The following CACNA2D3 variants were observed in gnomAD, a reference collection of about 807,000 sequenced individuals.
CACNA2D3 encodes the protein voltage-dependent calcium channel subunit alpha-2/delta-3.
In CACNA2D3, 60 loss-of-function variants were observed where a neutral mutation model predicts 160.6. The observed-to-expected ratio is 0.37, with a 90% confidence interval of 0.30 to 0.46. The LOEUF (loss-of-function observed/expected upper bound fraction) is 0.46. Ranked by LOEUF, CACNA2D3 falls within the 20% of genes least tolerant of loss-of-function variation. The probability of loss-of-function intolerance (pLI) is 1.00; values close to 1 mark genes in which losing one functional copy is unlikely to be tolerated. For synonymous variants in CACNA2D3, 558 were observed against 492.9 expected (o/e 1.13, Z -1.75); for missense variants, 1,205 against 1,365.0 (o/e 0.88, Z 1.85).
intron 27 of CACNA2D3, among the ~76,000 whole-genome samples, chr3:54,932,777 C>T (rs760090962): frequency 2.0e-5 from 3 of 152,224 alleles, no homozygotes; most frequent in Admixed American, 1.3e-4. Context: ...TCAACAGGCT[C>T]CTCATCCAAA....
chr3:55,057,066 G>T (rs1704379223), intron 35 of CACNA2D3, among the ~76,000 whole-genome samples: 1 of 152,100 alleles, frequency 6.6e-6, no homozygotes, highest in Non-Finnish European at 1.5e-5. Flanking sequence ...ATGTGTCATG[G>T]GAGGGACCCG....
At chr3:54,291,829 C>G (rs1703213546) in intron 2 of CACNA2D3, among the ~76,000 whole-genome samples, 1 of 152,170 alleles carries the variant, frequency 6.6e-6, no homozygotes, top group South Asian at 2.1e-4. Flanking sequence ...TTGATTCACT[C>G]ATTCATTCAA....
intron 27 of CACNA2D3, among the ~76,000 whole-genome samples, chr3:54,941,681 AT>A (rs1182666313): frequency 6.6e-6 from 1 of 152,222 alleles, no homozygotes; most frequent in African/African-American, 2.4e-5. Flanking sequence ...TTTAAGTTTT[AT>A]TAAAGTAATA....
intron 2 of CACNA2D3, among the ~76,000 whole-genome samples, chr3:54,223,799 C>A (rs1701618835): frequency 6.7e-6 from 1 of 149,438 alleles, no homozygotes; most frequent in African/African-American, 2.5e-5. Flanking sequence ...TTGCAGTGAG[C>A]CGAGATCGCA....
At chr3:54,551,271 C>G (rs1366795687) in intron 5 of CACNA2D3, among the ~76,000 whole-genome samples, 2 of 152,346 alleles carry the variant, frequency 1.3e-5, no homozygotes, top group Admixed American at 1.3e-4. Flanking sequence ...GTGCACTCCA[C>G]TAGGTCAAAG....
At position 54,166,686 on chromosome 3, in the gene CACNA2D3, T is replaced by A. The variant is rs1418987158; in HGVS notation, c.204+43092T>A. Among the ~76,000 whole-genome samples the A allele has an allele frequency of 2.6e-5, 4 of 152,302 alleles. No individual in the cohort carries two copies. The East Asian group carries it at 7.7e-4, about 29-fold the overall frequency. ...TGCTATTGCCTGTGTGGTGCTTCAT[T>A]TATAGGAGATGAATTTTGAAAAGTT... is the stretch of plus-strand genomic sequence containing the variant. On this transcript the variant is annotated intron_variant, in intron 2 of 37. Coordinates refer to ENST00000474759, the MANE Select transcript of CACNA2D3 (RefSeq NM_018398.3).
At chr3:54,880,762 G>T (rs754587150) in intron 20 of CACNA2D3, 34 bp from the exon 21 acceptor site, 1 of 1,576,480 alleles carries the variant, frequency 6.3e-7, no homozygotes, top group Non-Finnish European at 8.7e-7. Context: ...GTCGATGCCA[G>T]GGATTTCAAG....
intron 12 of CACNA2D3, among the ~76,000 whole-genome samples, chr3:54,756,872 A>C (rs972191856): frequency 6.6e-6 from 1 of 152,020 alleles, no homozygotes; most frequent in Non-Finnish European, 1.5e-5. Context: ...CTACCAGCAA[A>C]ATCCAGGGAG....
intron 5 of CACNA2D3, among the ~76,000 whole-genome samples, chr3:54,535,357 A>G (rs1318407392): frequency 5.3e-5 from 8 of 152,238 alleles, no homozygotes; most frequent in African/African-American, 1.9e-4. Flanking sequence ...TCTAAGAAAT[A>G]TTTAAATGAA....
chr3:54,454,707 A>G (rs964750061), intron 4 of CACNA2D3, among the ~76,000 whole-genome samples: 1 of 152,120 alleles, frequency 6.6e-6, no homozygotes, highest in East Asian at 1.9e-4. Flanking sequence ...TTCCTACTAT[A>G]TGGTTGTATG....
At chr3:54,568,660 C>T (rs1195438219) in intron 6 of CACNA2D3, among the ~76,000 whole-genome samples, 2 of 152,172 alleles carry the variant, frequency 1.3e-5, no homozygotes, top group Non-Finnish European at 2.9e-5. Context: ...TGTATTTTAT[C>T]TTTATTACCT....
At chr3:54,257,328 A>G (rs554490017) in intron 2 of CACNA2D3, among the ~76,000 whole-genome samples, 21 of 152,348 alleles carry the variant, frequency 1.4e-4, no homozygotes, top group Non-Finnish European at 2.2e-4. Context: ...TCAACTTACT[A>G]TTGAGGCCAG....
chr3:54,842,350 T>G (rs1395189876), intron 16 of CACNA2D3, among the ~76,000 whole-genome samples: 3 of 152,192 alleles, frequency 2.0e-5, no homozygotes, highest in African/African-American at 4.8e-5. Flanking sequence ...TTCAGCTTGT[T>G]TTTAATATTT....
chr3:54,268,916 GAGAATCTTCTGGAAGTATGTGGCTTC>G (rs1294068768), intron 2 of CACNA2D3, among the ~76,000 whole-genome samples: 1 of 152,216 alleles, frequency 6.6e-6, no homozygotes, highest in Non-Finnish European at 1.5e-5. Context: ...TTAGTGGCAT[GAGAATCTTCTGGAAGTATGTGGCTTC>G]AGAAGGGAAA....
At chr3:54,805,573 CAA>C (rs1250217440) in intron 13 of CACNA2D3, among the ~76,000 whole-genome samples, 1 of 152,052 alleles carries the variant, frequency 6.6e-6, no homozygotes, top group Non-Finnish European at 1.5e-5. Flanking sequence ...GCTTACCAAC[CAA>C]AAAGAGTCCA....
chr3:54,928,537 C>T (rs957635989), intron 27 of CACNA2D3, among the ~76,000 whole-genome samples: 12 of 152,242 alleles, frequency 7.9e-5, no homozygotes, highest in Non-Finnish European at 1.0e-4. Flanking sequence ...CTTTGGTCAT[C>T]GAAGTCTTAT....
At chr3:54,554,440 A>G (rs1226163774) in intron 5 of CACNA2D3, among the ~76,000 whole-genome samples, 2 of 152,200 alleles carry the variant, frequency 1.3e-5, no homozygotes. Context: ...CTGATAATTT[A>G]AGGAAGAGAG....
chr3:54,248,125 T>C (rs946891629), intron 2 of CACNA2D3, among the ~76,000 whole-genome samples: 6 of 149,150 alleles, frequency 4.0e-5, no homozygotes, highest in African/African-American at 1.5e-4. Flanking sequence ...CCAATGTGAC[T>C]ATATGTGGAG....
chr3:54,628,315 C>G (rs1375425345), intron 10 of CACNA2D3, among the ~76,000 whole-genome samples: 1 of 152,216 alleles, frequency 6.6e-6, no homozygotes, highest in African/African-American at 2.4e-5. Context: ...GTGAGACTGG[C>G]TGGCCATTTA....
Sources: allele counts gnomAD v4.1 joint callset (sites outside exome capture counted in the v4.1 genomes callset), GRCh38; gene constraint gnomAD v4.1.1; transcripts MANE v1.5; gene names NCBI Gene and HGNC (gene_info 2026-07-23, HGNC 2026-07-21).